Variants in LIN7A observed in about 807,000 individuals in gnomAD.
LIN7A encodes the protein lin-7 cell polarity scaffold A, also known as protein lin-7 homolog A.
Under a neutral mutation model 29.8 loss-of-function variants are expected in LIN7A, and 25 were observed. The ratio of observed to expected loss-of-function variants is 0.84; its 90% CI spans 0.61 to 1.17. The LOEUF (loss-of-function observed/expected upper bound fraction) is 1.17, where lower values mean the gene tolerates loss of function less well. Ranked by LOEUF, LIN7A falls within the 50% of genes most tolerant of loss-of-function variation. The pLI is 0.00. For missense variants in LIN7A, 239 were observed against 287.0 expected (o/e 0.83, Z 1.21); for synonymous variants, 118 against 107.5 (o/e 1.10, Z -0.60).
At chr12:80,920,407 TACA>T (rs1565929653) in intron 1 of LIN7A, among the ~76,000 whole-genome samples, 2 of 152,180 alleles carry the variant, frequency 1.3e-5, no homozygotes, top group South Asian at 4.1e-4. Context: ...GGTTTATAGA[TACA>T]ACAATAGCAC....
intron 2 of LIN7A, among the ~76,000 whole-genome samples, chr12:80,865,790 C>T (rs970565505): frequency 1.3e-5 from 2 of 152,152 alleles, no homozygotes; most frequent in Non-Finnish European, 2.9e-5. Context: ...AATAAGTGGA[C>T]ATACAGCCTT....
At chr12:80,919,734 TC>T (rs1294957943) in intron 1 of LIN7A, among the ~76,000 whole-genome samples, 2 of 152,152 alleles carry the variant, frequency 1.3e-5, no homozygotes, top group African/African-American at 4.8e-5. Flanking sequence ...CAGGGAACTC[TC>T]CCACACAAGA....
rs189687457 is a variant in LIN7A, at chr12:80,880,848, A to G, written c.201+8403T>C. Among the ~76,000 whole-genome samples, 24 of 152,176 alleles carry G rather than the reference A, an allele frequency of 1.6e-4. 1 individual carries two copies. The East Asian group carries it at 4.6e-3, about 29-fold the overall frequency. On this transcript the variant is annotated intron_variant, in intron 2 of 5. Transcript: ENST00000552864. ...TAAAAATCAGAGTTTTACTGAAACA[A>G]TCATAGTTTTCACTCAGTTGCATGC...
At chr12:80,812,823 G>A (rs1303378805) in intron 4 of LIN7A, among the ~76,000 whole-genome samples, 1 of 152,060 alleles carries the variant, frequency 6.6e-6, no homozygotes, top group Non-Finnish European at 1.5e-5. Flanking sequence ...GCTGCTGGGA[G>A]TACAGGCATG....
intron 4 of LIN7A, among the ~76,000 whole-genome samples, chr12:80,813,977 A>G (rs989910246): frequency 1.3e-5 from 2 of 152,136 alleles, no homozygotes; most frequent in African/African-American, 2.4e-5. Context: ...GCCACCCTCA[A>G]TTGTTTGACA....
At chr12:80,859,213 G>A (rs986645312) in intron 2 of LIN7A, among the ~76,000 whole-genome samples, 2 of 152,118 alleles carry the variant, frequency 1.3e-5, no homozygotes, top group Non-Finnish European at 2.9e-5. Flanking sequence ...TATAGTTTGG[G>A]AGGTGAGAGA....
At chr12:80,869,331 G>A (rs1248851147) in intron 2 of LIN7A, among the ~76,000 whole-genome samples, 1 of 152,044 alleles carries the variant, frequency 6.6e-6, no homozygotes, top group Non-Finnish European at 1.5e-5. Context: ...ATTTCTATCT[G>A]ACTTGAGAAG....
At chr12:80,930,788 G>A (rs1241539963) in intron 1 of LIN7A, among the ~76,000 whole-genome samples, 1 of 152,178 alleles carries the variant, frequency 6.6e-6, no homozygotes, top group African/African-American at 2.4e-5. Context: ...TCCTAAGGTA[G>A]CCACTACTTT....
intron 1 of LIN7A, among the ~76,000 whole-genome samples, chr12:80,927,201 G>T (rs1236344341): frequency 8.6e-6 from 1 of 115,642 alleles, no homozygotes; most frequent in African/African-American, 3.4e-5. Context: ...TCGCTCCGTC[G>T]CCCAGGCTGG....
At chr12:80,888,404 G>A (rs1412348971) in intron 2 of LIN7A, among the ~76,000 whole-genome samples, 1 of 152,120 alleles carries the variant, frequency 6.6e-6, no homozygotes, top group Non-Finnish European at 1.5e-5. Context: ...AAAGAGAAAG[G>A]TGGAGTAACA....
In LIN7A at chr12:80,889,280, G is replaced by A. The variant is rs1451504822; in HGVS notation, c.172C>T (p.Gln58Ter). 2 of 1,611,724 alleles carry A rather than the reference G, an allele frequency of 1.2e-6. No individual in the cohort carries two copies. The highest frequency in any genetic ancestry group is 2.2e-5 in the South Asian group (2 of 90,984). The change falls in exon 2 of 6, where the codon CAG (glutamine) becomes TAG (stop). Residue 58 changes from glutamine to a stop codon, truncating the protein, a stop_gained. Coordinates refer to ENST00000552864, the MANE Select transcript of LIN7A (RefSeq NM_004664.4). LOFTEE classifies it high-confidence loss of function. ...HKLQSLKKVL[Q>*]SEFCTAIREV... ...CGAATAGCTGTACAAAACTCACTCT[G>A]AAGCACTTTTTTGAGGGATTGTAGC...
At chr12:80,872,261 C>T (rs1052772646) in intron 2 of LIN7A, among the ~76,000 whole-genome samples, 6 of 152,100 alleles carry the variant, frequency 3.9e-5, no homozygotes, top group African/African-American at 1.4e-4. Flanking sequence ...AATTCTATTA[C>T]TTGCAGTCCT....
intron 4 of LIN7A, among the ~76,000 whole-genome samples, chr12:80,825,861 A>G (rs1301675216): frequency 1.3e-5 from 2 of 152,208 alleles, no homozygotes; most frequent in East Asian, 3.9e-4. Context: ...CAAAAGATAT[A>G]CTTTAAATAT....
chr12:80,794,026 T>C lies in LIN7A; in HGVS notation c.*3701A>G, dbSNP rs1870329989. 6.6e-6 allele frequency: 1 copy of C among 152,102 alleles called. No homozygotes were observed. Among genetic ancestry groups the C allele is most frequent in the Non-Finnish European group, 1.5e-5 (1 of 68,012 alleles). 9.4% of individuals were successfully genotyped at this position (152,102 alleles called of 1,614,324 possible). A position where few individuals can be genotyped will look rare whatever the true frequency, so the allele number is the denominator to read the frequency against. On this transcript the variant is annotated 3_prime_UTR_variant, in exon 6 of 6. Coordinates refer to ENST00000552864, the MANE Select transcript of LIN7A (RefSeq NM_004664.4). ...CAAATCTTTGAAGCCTTTAAAGTAA[T>C]TAATGAAATTTCAAATTCATACATC...
intron 4 of LIN7A, among the ~76,000 whole-genome samples, chr12:80,841,005 T>C (rs1480678643): frequency 6.6e-6 from 1 of 152,190 alleles, no homozygotes; most frequent in Non-Finnish European, 1.5e-5. Flanking sequence ...CCATGACTTT[T>C]ACACACTGGT....
In LIN7A at chr12:80,927,283, T is replaced by C. The variant is rs767104345; in HGVS notation, c.82+10358A>G. Among the ~76,000 whole-genome samples, 91 of 145,494 alleles carry C rather than the reference T, an allele frequency of 6.3e-4. 1 individual carries two copies. The highest frequency in any genetic ancestry group is 2.6e-3 in the Admixed American group (37 of 14,166). On this transcript the variant is annotated intron_variant, in intron 1 of 5. Transcript: ENST00000552864. ...TTCAGGCGATTCACCTGCCTCAGCCTCCCGAGTAGCTGGGACTACAGGCGC... is the reference window on the plus strand; with the variant it reads ...TTCAGGCGATTCACCTGCCTCAGCCCCCCGAGTAGCTGGGACTACAGGCGC...
At position 80,889,298 on chromosome 12, in the gene LIN7A, A is replaced by T; in HGVS notation, c.154T>A (p.Ser52Thr). ...TCACTCTGAAGCACTTTTTTGAGGG[A>T]TTGTAGCTTGTGCACTGGTACTTCT... ...SGEVPVHKLQ[S>T]LKKVLQSEFC... is the part of the protein sequence containing the mutation. Residue 52 changes from serine to threonine, a missense_variant, in exon 2 of 6, where the codon TCC (serine) becomes ACC (threonine). By Grantham distance (58) the Ser-to-Thr change is moderately conservative. Transcript: ENST00000552864. 1 of 1,612,916 alleles carries T rather than the reference A, an allele frequency of 6.2e-7. No homozygotes were observed. Among genetic ancestry groups the T allele is most frequent in the South Asian group, 1.1e-5 (1 of 91,050 alleles).
chr12:80,849,662 C>T (rs1873235687), intron 2 of LIN7A, among the ~76,000 whole-genome samples: 1 of 152,012 alleles, frequency 6.6e-6, no homozygotes, highest in Non-Finnish European at 1.5e-5. Flanking sequence ...CAGAACTCAG[C>T]CTTCTCTCTA....
At chr12:80,881,625 T>C (rs1565913824) in intron 2 of LIN7A, among the ~76,000 whole-genome samples, 8 of 100,022 alleles carry the variant, frequency 8.0e-5, no homozygotes. Flanking sequence ...AAAATAAAGC[T>C]AAGTTATATA....
Sources: allele counts gnomAD v4.1 joint callset (sites outside exome capture counted in the v4.1 genomes callset), GRCh38; gene constraint gnomAD v4.1.1; transcripts MANE v1.5; gene names NCBI Gene and HGNC (gene_info 2026-07-23, HGNC 2026-07-21).